The following PCDHB11 variants were observed in gnomAD, a reference collection of about 807,000 sequenced individuals.
PCDHB11 encodes protocadherin beta 11, also known as protocadherin beta-11.
For missense variants in PCDHB11, 1,151 were observed against 1,003.4 expected, an observed-to-expected ratio of 1.15 and a Z score of -1.99; for synonymous variants, 522 against 442.0, an observed-to-expected ratio of 1.18 and a Z score of -2.27.
chr5:141,200,575 G>A lies in PCDHB11; in HGVS notation c.801G>A (p.Trp267Ter). 5 of 1,614,068 alleles carry A rather than the reference G, an allele frequency of 3.1e-6. No homozygotes were observed. In the South Asian group the frequency reaches 5.5e-5, roughly 18 times the overall value. The change falls in exon 1 of 1, where the codon TGG becomes TGA. Residue 267 changes from tryptophan (W) to a stop codon, truncating the protein, a stop_gained. Transcript: ENST00000354757. LOFTEE classifies it low-confidence loss of function (END_TRUNC). ...LGSLILIVSA[W>*]DLDSGTNGEI... ...CGCTGATTTTGATTGTCTCAGCTTG[G>A]GATTTAGACTCTGGAACAAATGGTG...
chr5:141,202,194 T>C lies in PCDHB11; in HGVS notation c.*26T>C, dbSNP rs1754220010. ...TAAGAATGCTATTTACATTTGCATG[T>C]ACTTTTTTAGTTTTATGTAACCATA... On this transcript the variant is annotated 3_prime_UTR_variant, in exon 1 of 1. Coordinates refer to ENST00000354757, the MANE Select transcript of PCDHB11 (RefSeq NM_018931.3). 1.9e-6 allele frequency: 3 copies of C among 1,551,906 alleles called. No homozygotes were observed. Among genetic ancestry groups the C allele is most frequent in the East Asian group, 2.3e-5 (1 of 44,214 alleles).
Position 141,202,133 on chromosome 5 carries a change from T to C in PCDHB11, c.2359T>C (p.Ser787Pro), listed in dbSNP as rs1554285835. ...TCTTGGGAAGAATAGTGAAGAAAAC[T>C]CCACCTTTCGAAATAGCTTTGGATT... The part of the protein sequence containing the change: ...KGLGKNSEEN[S>P]TFRNSFGFNF The change falls in exon 1 of 1, where the codon TCC (serine) becomes CCC (proline). Residue 787 changes from serine to proline, a missense_variant. Ser to Pro is a moderately conservative substitution (Grantham distance 74). Transcript: ENST00000354757. 1 of 1,609,676 alleles carries C rather than the reference T, an allele frequency of 6.2e-7. No homozygotes were observed.
Position 141,200,244 on chromosome 5 carries a change from C to A in PCDHB11, c.470C>A (p.Ala157Glu), listed in dbSNP as rs782466228. Residue 157 changes from alanine to glutamate, a missense_variant, in exon 1 of 1, where the codon GCG becomes GAG. Physicochemically the swap from Ala to Glu is moderately radical, Grantham distance 107. Coordinates refer to ENST00000354757, the MANE Select transcript of PCDHB11 (RefSeq NM_018931.3). ...GGTGCTGTGTTCTTACTAGAAAGTG[C>A]GAAGGATTTAGATGTAGGAATCAAT... Reference protein sequence around the residue: ...PVGAVFLLESAKDLDVGINAV... With the variant: ...PVGAVFLLESEKDLDVGINAV... 1.4e-5 allele frequency: 23 copies of A among 1,614,054 alleles called. No homozygotes were observed. The highest frequency in any genetic ancestry group is 9.9e-5 in the South Asian group (9 of 91,074).
chr5:141,200,979 C>CTCAACT lies in PCDHB11; in HGVS notation c.1205_1206insTCAACT (p.Thr402_Leu403insGlnLeu). The CTCAACT allele has an allele frequency of 6.2e-7, 1 of 1,614,166 alleles. No homozygotes were observed. The highest frequency in any genetic ancestry group is 2.2e-5 in the East Asian group (1 of 44,882). On this transcript the variant is annotated inframe_insertion, in exon 1 of 1. Transcript: ENST00000354757. Reference sequence around the variant, plus strand: ...AAATCTTCAGTTGAGAATTACTACACGTTGGAAACAGAGAGACCACTGGAC... The same window carrying CTCAACT: ...AAATCTTCAGTTGAGAATTACTACACTCAACTGTTGGAAACAGAGAGACCACTGGAC...
Position 141,200,939 on chromosome 5 carries a change from C to T in PCDHB11, c.1165C>T (p.Leu389Phe), listed in dbSNP as rs1554285428. The T allele has an allele frequency of 1.2e-6, 2 of 1,614,104 alleles. No individual in the cohort carries two copies. Among genetic ancestry groups the T allele is most frequent in the Admixed American group, 3.3e-5 (2 of 60,004 alleles). Residue 389 changes from leucine (L) to phenylalanine (F), a missense_variant, in exon 1 of 1, where the codon CTC becomes TTC. Coordinates refer to ENST00000354757, the MANE Select transcript of PCDHB11 (RefSeq NM_018931.3). ...AATTGTTTGTTCCATTCCGGAAGAC[C>T]TCCCATTCGTGCTAAAATCTTCAGT... Reference protein sequence around the residue: ...GRIVCSIPEDLPFVLKSSVEN... With the variant: ...GRIVCSIPEDFPFVLKSSVEN...
chr5:141,200,913 G>T lies in PCDHB11; in HGVS notation c.1139G>T (p.Arg380Ile), dbSNP rs782216189. Reference sequence around the variant, plus strand: ...GATATAGACTCTGGGGACAACGGAAGAATTGTTTGTTCCATTCCGGAAGAC... The same window carrying T: ...GATATAGACTCTGGGGACAACGGAATAATTGTTTGTTCCATTCCGGAAGAC... ...IQDIDSGDNG[R>I]IVCSIPEDLP... Residue 380 changes from arginine to isoleucine, a missense_variant, in exon 1 of 1, where the codon AGA becomes ATA. Physicochemically the swap from Arg to Ile is moderately conservative, Grantham distance 97 (BLOSUM62 -3). Coordinates refer to ENST00000354757, the MANE Select transcript of PCDHB11 (RefSeq NM_018931.3). 41 of 1,614,086 alleles carry T rather than the reference G, an allele frequency of 2.5e-5. No homozygotes were observed. The highest frequency in any genetic ancestry group is 1.2e-4 in the African/African-American group (9 of 74,930).
chr5:141,199,635 A>G lies in PCDHB11; in HGVS notation c.-140A>G. ...GCACACAGAGAATCAGAAGACAGAA[A>G]CAACAAGCCTTCAAGAGGGTGACCT... On this transcript the variant is annotated 5_prime_UTR_variant, in exon 1 of 1. Transcript: ENST00000354757. 1 of 675,272 alleles carries G rather than the reference A, an allele frequency of 1.5e-6. No individual in the cohort carries two copies. The highest frequency in any genetic ancestry group is 2.5e-6 in the Non-Finnish European group (1 of 404,200). The allele number at this position is 675,272 out of a possible 1,614,324, so 41.8% of individuals were successfully genotyped here.
rs1554286008 is a variant in PCDHB11 at position 141,203,715 on chromosome 5, A to G, written c.*1547A>G. 1 of 152,088 alleles carries G rather than the reference A, an allele frequency of 6.6e-6. No individual in the cohort carries two copies. Among genetic ancestry groups the G allele is most frequent in the Non-Finnish European group, 1.5e-5 (1 of 68,024 alleles). 9.4% of individuals were successfully genotyped at this position (152,088 alleles called of 1,614,324 possible). A position where few individuals can be genotyped will look rare whatever the true frequency, so the allele number is the denominator to read the frequency against. On this transcript the variant is annotated 3_prime_UTR_variant, in exon 1 of 1. Transcript: ENST00000354757. ...TATATATATATAGAGAGAGAGAGAG[A>G]TCATGGCTTATAATCCAAACAAAAT...
At position 141,201,630 on chromosome 5, in the gene PCDHB11, C is replaced by T. The variant is rs781977311; in HGVS notation, c.1856C>T (p.Ala619Val). ...ATEPGLFGVW[A>V]HNGEVRTARL... Reference sequence around the variant, plus strand: ...GAGCCCGGGCTATTCGGCGTGTGGGCGCACAATGGCGAGGTGCGCACCGCC... The same window carrying T: ...GAGCCCGGGCTATTCGGCGTGTGGGTGCACAATGGCGAGGTGCGCACCGCC... The change falls in exon 1 of 1, where the codon GCG becomes GTG. Residue 619 changes from alanine to valine, a missense_variant. By Grantham distance (64) the Ala-to-Val change is moderately conservative. Coordinates refer to ENST00000354757, the MANE Select transcript of PCDHB11 (RefSeq NM_018931.3). The T allele has an allele frequency of 6.8e-6, 11 of 1,607,110 alleles. No individual in the cohort carries two copies. Among genetic ancestry groups the T allele is most frequent in the Admixed American group, 1.7e-5 (1 of 59,922 alleles).
In PCDHB11 at chr5:141,199,983, A is replaced by C. The variant is rs1554285184; in HGVS notation, c.209A>C (p.Asp70Ala). The C allele has an allele frequency of 2.5e-6, 4 of 1,614,036 alleles. No homozygotes were observed. The highest frequency in any genetic ancestry group is 1.7e-5 in the Admixed American group (1 of 59,994). ...SSRGARVVSNDKKQRLQLDIN... is the reference protein window; with the variant it reads ...SSRGARVVSNAKKQRLQLDIN... Reference sequence around the variant, plus strand: ...CGGGGGGCTCGGGTGGTCTCTAATGATAAGAAACAGCGTTTGCAGCTGGAC... The same window carrying C: ...CGGGGGGCTCGGGTGGTCTCTAATGCTAAGAAACAGCGTTTGCAGCTGGAC... The change falls in exon 1 of 1, where the codon GAT (aspartate) becomes GCT (alanine). Residue 70 changes from aspartate (D) to alanine (A), a missense_variant. Transcript: ENST00000354757.
chr5:141,201,439 C>G lies in PCDHB11; in HGVS notation c.1665C>G (p.Asn555Lys). 1.1e-5 allele frequency: 17 copies of G among 1,611,532 alleles called. No individual in the cohort carries two copies. The highest frequency in any genetic ancestry group is 1.4e-5 in the Non-Finnish European group (16 of 1,179,618). The change falls in exon 1 of 1, where the codon AAC (asparagine) becomes AAG (lysine). Residue 555 changes from asparagine (N) to lysine (K), a missense_variant. Transcript: ENST00000354757. Reference protein sequence around the residue: ...ALVRVLVLDANDNSPFVLYPL... With the variant: ...ALVRVLVLDAKDNSPFVLYPL... Reference sequence around the variant, plus strand: ...TGCGCGTGCTGGTGCTGGACGCCAACGACAACTCGCCCTTCGTGCTGTACC... The same window carrying G: ...TGCGCGTGCTGGTGCTGGACGCCAAGGACAACTCGCCCTTCGTGCTGTACC...
In PCDHB11 at chr5:141,201,928, G is replaced by T. The variant is rs199967469; in HGVS notation, c.2154G>T (p.Arg718Ser). ...CGGTGCGGCTGTGCAGGAGGAGCAG[G>T]GCGGCCTCGGTGGGAAGCTGCTCGG... ...FVAVRLCRRS[R>S]AASVGSCSVP... The change falls in exon 1 of 1, where the codon AGG becomes AGT. Residue 718 changes from arginine (R) to serine (S), a missense_variant. Physicochemically the swap from Arg to Ser is moderately radical, Grantham distance 110 (BLOSUM62 -1). Coordinates refer to ENST00000354757, the MANE Select transcript of PCDHB11 (RefSeq NM_018931.3). 18 of 1,612,996 alleles carry T rather than the reference G, an allele frequency of 1.1e-5. No homozygotes were observed. The highest frequency in any genetic ancestry group is 3.3e-5 in the Admixed American group (2 of 59,976).
At position 141,200,921 on chromosome 5, in the gene PCDHB11, TG is replaced by T. The variant is rs1479608232; in HGVS notation, c.1148del (p.Cys383PhefsTer11). The T allele has an allele frequency of 1.2e-6, 2 of 1,614,084 alleles. No homozygotes were observed. Among genetic ancestry groups the T allele is most frequent in the Non-Finnish European group, 1.7e-6 (2 of 1,180,042 alleles). ...CTCTGGGGACAACGGAAGAATTGTTTGTTCCATTCCGGAAGACCTCCCATTC... is the reference window on the plus strand; with the variant it reads ...CTCTGGGGACAACGGAAGAATTGTTTTTCCATTCCGGAAGACCTCCCATTC... ...IDSGDNGRIV[C>X]SIPEDLPFVL... is the part of the protein sequence containing the mutation. On this transcript the variant is annotated frameshift_variant, in exon 1 of 1. Coordinates refer to ENST00000354757, the MANE Select transcript of PCDHB11 (RefSeq NM_018931.3). LOFTEE classifies it low-confidence loss of function (END_TRUNC).
In PCDHB11 at chr5:141,200,149, T is replaced by C; in HGVS notation, c.375T>C (p.Asp125=). The C allele has an allele frequency of 6.2e-7, 1 of 1,614,118 alleles. No homozygotes were observed. The highest frequency in any genetic ancestry group is 8.5e-7 in the Non-Finnish European group (1 of 1,180,022). ...TACAAATTGAGCTTCAGGTCAGGGA[T>C]ATAAATGATCACTCTCCCATCTTCT... is the stretch of plus-strand genomic sequence containing the variant. ...QFLQIELQVR[D]INDHSPIFSE... is the part of the protein sequence containing the mutation. The change falls in exon 1 of 1, where the codon GAT becomes GAC. Residue 125 remains aspartate (D), a synonymous_variant. Transcript: ENST00000354757.
In PCDHB11 at chr5:141,200,942, C is replaced by A. The variant is rs782067903; in HGVS notation, c.1168C>A (p.Pro390Thr). 5.0e-6 allele frequency: 8 copies of A among 1,614,050 alleles called. No individual in the cohort carries two copies. Among genetic ancestry groups the A allele is most frequent in the Non-Finnish European group, 6.8e-6 (8 of 1,180,054 alleles). Residue 390 changes from proline to threonine, a missense_variant, in exon 1 of 1, where the codon CCA (proline) becomes ACA (threonine). Pro to Thr is a conservative substitution (Grantham distance 38, BLOSUM62 -1). Coordinates refer to ENST00000354757, the MANE Select transcript of PCDHB11 (RefSeq NM_018931.3). The stretch of plus-strand genomic sequence containing the variant: ...TGTTTGTTCCATTCCGGAAGACCTC[C>A]CATTCGTGCTAAAATCTTCAGTTGA... Reference protein sequence around the residue: ...RIVCSIPEDLPFVLKSSVENY... With the variant: ...RIVCSIPEDLTFVLKSSVENY...
Position 141,200,840 on chromosome 5 carries a change from A to G in PCDHB11, c.1066A>G (p.Ile356Val), listed in dbSNP as rs781962774. The G allele has an allele frequency of 3.1e-6, 5 of 1,614,208 alleles. No homozygotes were observed. Among genetic ancestry groups the G allele is most frequent in the South Asian group, 1.1e-5 (1 of 91,088 alleles). The change falls in exon 1 of 1, where the codon ATC (isoleucine) becomes GTC (valine). Residue 356 changes from isoleucine to valine, a missense_variant. Coordinates refer to ENST00000354757, the MANE Select transcript of PCDHB11 (RefSeq NM_018931.3). ...CACTGTGTCATCAATTACCAGTCCA[A>G]TCCCAGAAAATACGCCAGAGACCGT... ...EITVSSITSP[I>V]PENTPETVVM...
Position 141,199,907 on chromosome 5 carries a change from G to A in PCDHB11, c.133G>A (p.Val45Ile), listed in dbSNP as rs1754121690. 1 of 1,614,028 alleles carries A rather than the reference G, an allele frequency of 6.2e-7. No homozygotes were observed. Among genetic ancestry groups the A allele is most frequent in the Non-Finnish European group, 8.5e-7 (1 of 1,180,052 alleles). ...VAEEMQSGSF[V>I]GNLAKDLGLK... is the part of the protein sequence containing the mutation. ...AGAAGAAATGCAGAGCGGGAGTTTT[G>A]TAGGCAATCTGGCAAAGGACCTGGG... The change falls in exon 1 of 1, where the codon GTA becomes ATA. Residue 45 changes from valine (V) to isoleucine (I), a missense_variant. By Grantham distance (29) the Val-to-Ile change is conservative. Transcript: ENST00000354757.
At position 141,200,075 on chromosome 5, in the gene PCDHB11, C is replaced by A. The variant is rs143439407; in HGVS notation, c.301C>A (p.Pro101Thr). ...DREELCGSIEPCVLHLQVLMQ... is the reference protein window; with the variant it reads ...DREELCGSIETCVLHLQVLMQ... ...GGAGGAGCTCTGCGGTTCCATCGAG[C>A]CTTGCGTGCTACATTTGCAGGTGTT... Residue 101 changes from proline to threonine, a missense_variant, in exon 1 of 1, where the codon CCT becomes ACT. Transcript: ENST00000354757. The A allele has an allele frequency of 3.0e-5, 48 of 1,614,020 alleles. No individual in the cohort carries two copies. The highest frequency in any genetic ancestry group is 3.4e-5 in the Non-Finnish European group (40 of 1,180,054).
Position 141,200,072 on chromosome 5 carries a change from G to C in PCDHB11, c.298G>C (p.Glu100Gln). The change falls in exon 1 of 1, where the codon GAG becomes CAG. Residue 100 changes from glutamate (E) to glutamine (Q), a missense_variant. Transcript: ENST00000354757. ...LDREELCGSI[E>Q]PCVLHLQVLM... ...CAGGGAGGAGCTCTGCGGTTCCATC[G>C]AGCCTTGCGTGCTACATTTGCAGGT... 1 of 1,614,134 alleles carries C rather than the reference G, an allele frequency of 6.2e-7. No homozygotes were observed. The highest frequency in any genetic ancestry group is 8.5e-7 in the Non-Finnish European group (1 of 1,180,036).
Sources: gnomAD v4.1 joint callset for allele counts on GRCh38, gnomAD v4.1.1 for gene constraint, MANE v1.5 for transcripts, NCBI Gene and HGNC (gene_info 2026-07-23, HGNC 2026-07-21) for gene names.